ZFYVE9: variants seen among roughly 807,000 people sequenced by gnomAD.
The protein encoded by ZFYVE9 is zinc finger FYVE domain-containing protein 9.
A neutral mutation model predicts 126.7 loss-of-function variants in ZFYVE9; 43 were observed. The ratio of observed to expected loss-of-function variants is 0.34; its 90% confidence interval spans 0.27 to 0.44. The LOEUF is 0.44. ZFYVE9 is among the 20% of genes least tolerant of loss of function. The pLI is 1.00. For missense variants in ZFYVE9, 1,476 were observed against 1,697.0 expected, an observed-to-expected ratio of 0.87 and a Z score of 2.29; for synonymous variants, 521 against 597.4, an observed-to-expected ratio of 0.87 and a Z score of 1.87.
intron 1 of ZFYVE9, among the ~76,000 whole-genome samples, chr1:52,182,014 C>T (rs978298998): frequency 3.3e-5 from 5 of 151,918 alleles, no homozygotes; most frequent in Non-Finnish European, 5.9e-5. Flanking sequence ...GTCAGCCCAC[C>T]GCCCGGCCAG....
chr1:52,208,836 A>G (rs1311058129), intron 1 of ZFYVE9, among the ~76,000 whole-genome samples: 3 of 152,158 alleles, frequency 2.0e-5, no homozygotes, highest in Non-Finnish European at 4.4e-5. Context: ...CCCGGCCTTG[A>G]ATTGTTCTTT....
At chr1:52,290,004 C>T (rs1208340382) in intron 10 of ZFYVE9, among the ~76,000 whole-genome samples, 1 of 152,084 alleles carries the variant, frequency 6.6e-6, no homozygotes, top group African/African-American at 2.4e-5. Flanking sequence ...TTTTTCACCT[C>T]TAAGCTATAT....
chr1:52,208,351 A>G (rs148404671), intron 1 of ZFYVE9, among the ~76,000 whole-genome samples: 15 of 152,256 alleles, frequency 9.9e-5, no homozygotes, highest in Middle Eastern at 3.4e-3. Flanking sequence ...GTTTTGCCAG[A>G]TATTCCATTG....
intron 14 of ZFYVE9, among the ~76,000 whole-genome samples, chr1:52,333,920 A>G (rs1646366838): frequency 6.6e-6 from 1 of 152,050 alleles, no homozygotes; most frequent in Admixed American, 6.6e-5. Context: ...GTGAAACTTC[A>G]TCTTTACTAA....
intron 17 of ZFYVE9, among the ~76,000 whole-genome samples, chr1:52,342,073 C>T (rs1646441631): frequency 6.6e-6 from 1 of 152,228 alleles, no homozygotes; most frequent in East Asian, 1.9e-4. Context: ...AATGGCAGAG[C>T]AGGGGCCAGC....
chr1:52,322,898 A>G (rs919200319), intron 13 of ZFYVE9, among the ~76,000 whole-genome samples: 3 of 151,768 alleles, frequency 2.0e-5, no homozygotes, highest in African/African-American at 7.3e-5. Flanking sequence ...TCTGCCTCCC[A>G]GGTTCACGCC....
chr1:52,278,719 C>G (rs939169440), intron 9 of ZFYVE9, 105 bp downstream of exon 9: 2 of 531,618 alleles, frequency 3.8e-6, no homozygotes, highest in African/African-American at 4.2e-5. Context: ...AGAGCCACAT[C>G]TTTTTTTTTT....
At chr1:52,318,456 T>TTA (rs1430517536) in intron 13 of ZFYVE9, among the ~76,000 whole-genome samples, 1 of 151,110 alleles carries the variant, frequency 6.6e-6, no homozygotes, top group African/African-American at 2.4e-5. Flanking sequence ...AAGCTAATGA[T>TTA]TATCTATGAA....
At chr1:52,293,813 C>T (rs1314741650) in intron 11 of ZFYVE9, 136 bp downstream of exon 11, 10 of 789,780 alleles carry the variant, frequency 1.3e-5, no homozygotes, top group Middle Eastern at 2.5e-4. Flanking sequence ...CCAGTGTCTG[C>T]GTGTATTGGG....
intron 1 of ZFYVE9, among the ~76,000 whole-genome samples, chr1:52,167,466 A>G (rs1275679303): frequency 6.6e-6 from 1 of 152,180 alleles, no homozygotes; most frequent in Non-Finnish European, 1.5e-5. Flanking sequence ...CTCACTCAAC[A>G]GCGCATGAGA....
intron 4 of ZFYVE9, among the ~76,000 whole-genome samples, chr1:52,245,246 A>G (rs1645373053): frequency 6.6e-6 from 1 of 151,964 alleles, no homozygotes; most frequent in African/African-American, 2.4e-5. Flanking sequence ...GTTTTTTACT[A>G]AAGAGAAGCA....
intron 1 of ZFYVE9, among the ~76,000 whole-genome samples, chr1:52,155,448 A>G (rs1644394345): frequency 6.6e-6 from 1 of 151,834 alleles, no homozygotes; most frequent in South Asian, 2.1e-4. Context: ...GTTAGCCAGG[A>G]TGGTCTCGAT....
At chr1:52,300,762 C>G (rs900977969) in intron 12 of ZFYVE9, among the ~76,000 whole-genome samples, 46 of 150,776 alleles carry the variant, frequency 3.1e-4, no homozygotes, top group Admixed American at 2.5e-3. Flanking sequence ...ATTATTTTAG[C>G]TTTTGTATTT....
At position 52,278,479 on chromosome 1, in the gene ZFYVE9, T is replaced by C; in HGVS notation, c.2747-13T>C. On this transcript the variant is annotated splice_polypyrimidine_tract_variant and intron_variant, in intron 8 of 18. Coordinates refer to ENST00000287727, the MANE Select transcript of ZFYVE9 (RefSeq NM_004799.4). ...CTTTAACCAATCTATTACATTGTTT[T>C]CTCCCCTTTCAGACTATGCTGTGGA... 1 of 1,614,064 alleles carries C rather than the reference T, an allele frequency of 6.2e-7. No homozygotes were observed. Among genetic ancestry groups the C allele is most frequent in the South Asian group, 1.1e-5 (1 of 91,074 alleles).
At chr1:52,241,311 C>T (rs1457975132) in intron 4 of ZFYVE9, among the ~76,000 whole-genome samples, 1 of 152,196 alleles carries the variant, frequency 6.6e-6, no homozygotes, top group Non-Finnish European at 1.5e-5. Flanking sequence ...GAAGCTAAAG[C>T]TGACACTGGG....
chr1:52,276,200 C>T (rs55643181), intron 8 of ZFYVE9, among the ~76,000 whole-genome samples: 1 of 152,252 alleles, frequency 6.6e-6, no homozygotes, highest in Non-Finnish European at 1.5e-5. Context: ...GCTACCATGC[C>T]CGGTCTGACA....
intron 1 of ZFYVE9, among the ~76,000 whole-genome samples, chr1:52,203,084 A>G (rs942751453): frequency 5.3e-5 from 8 of 152,054 alleles, no homozygotes; most frequent in South Asian, 2.1e-4. Flanking sequence ...CTTCTTGCTT[A>G]TATGGTTTCT....
Position 52,281,655 on chromosome 1 carries a change from C to T in ZFYVE9, c.2870-6C>T. The T allele has an allele frequency of 6.2e-7, 1 of 1,613,200 alleles. No individual in the cohort carries two copies. Among genetic ancestry groups the T allele is most frequent in the Middle Eastern group, 1.7e-4 (1 of 6,052 alleles). The stretch of plus-strand genomic sequence containing the variant: ...CTTTATTTTTGTGTTTTTATTCCAT[C>T]TGTAGATGTGAACAGGAAGTGCTGG... On this transcript the variant is annotated splice_polypyrimidine_tract_variant and splice_region_variant and intron_variant, in intron 9 of 18. Transcript: ENST00000287727.
intron 17 of ZFYVE9, among the ~76,000 whole-genome samples, chr1:52,342,310 G>A (rs1646444826): frequency 7.2e-6 from 1 of 139,238 alleles, no homozygotes; most frequent in South Asian, 2.3e-4. Flanking sequence ...CTGTCGCCCA[G>A]ACGGCAGTGC....
Sources: allele counts gnomAD v4.1 joint callset (sites outside exome capture counted in the v4.1 genomes callset), GRCh38; gene constraint gnomAD v4.1.1; transcripts MANE v1.5; gene names NCBI Gene and HGNC (gene_info 2026-07-23, HGNC 2026-07-21).